Variants in RPH3AL observed in about 807,000 individuals in gnomAD.
The protein encoded by RPH3AL is rab effector Noc2.
RPH3AL carries 38 observed loss-of-function variants against 43.1 expected under a neutral mutation model. That is an observed-to-expected ratio of 0.88 (90% CI 0.68 to 1.15). RPH3AL has a LOEUF of 1.15. Ranked by LOEUF, RPH3AL falls within the 50% of genes most tolerant of loss-of-function variation. RPH3AL has a pLI of 0.00. For synonymous variants in RPH3AL, 189 were observed against 176.3 expected (o/e 1.07, Z -0.57); for missense variants, 462 against 423.2 (o/e 1.09, Z -0.81).
intron 5 of RPH3AL, among the ~76,000 whole-genome samples, chr17:292,711 AT>A (rs2043075483): frequency 6.6e-6 from 1 of 152,110 alleles, no homozygotes; most frequent in African/African-American, 2.4e-5. Flanking sequence ...GCAAGGCTGG[AT>A]CCCTGGGCCC....
At chr17:249,771 AAGCTCCATCACTGCGGGACATCTC>A (rs1379827106) in intron 6 of RPH3AL, among the ~76,000 whole-genome samples, 28 of 151,784 alleles carry the variant, frequency 1.8e-4, no homozygotes, top group Non-Finnish European at 3.4e-4. Flanking sequence ...AGCCTTTACT[AAGCTCCATCACTGCGGGACATCTC>A]AGAGCCTTTA....
At chr17:254,616 G>T (rs1401083663) in intron 6 of RPH3AL, among the ~76,000 whole-genome samples, 1 of 1,466 alleles carries the variant, frequency 6.8e-4, no homozygotes, top group African/African-American at 8.5e-3. Flanking sequence ...CTAGGAACGT[G>T]ACTACCCTAC....
At chr17:271,469 T>TTC (rs1244207023) in intron 6 of RPH3AL, among the ~76,000 whole-genome samples, 1 of 152,224 alleles carries the variant, frequency 6.6e-6, no homozygotes, top group Admixed American at 6.5e-5. Context: ...TGGTTTGTAG[T>TTC]TCTCCTTGAA....
rs1408983088 is a variant in RPH3AL, at chr17:316,274, C to G, written c.351+3146G>C. Among the ~76,000 whole-genome samples the G allele has an allele frequency of 4.9e-5, 6 of 121,922 alleles. 1 individual carries two copies. Among genetic ancestry groups the G allele is most frequent in the Non-Finnish European group, 1.1e-4 (6 of 54,508 alleles). 80.0% of individuals were successfully genotyped at this position (121,922 alleles called of 152,430 possible). ...ACCTGTAGTCCCTGTGACTCCATCT[C>G]CAGTGATGCGTAGTCTCTGTGCTCC... On this transcript the variant is annotated intron_variant, in intron 5 of 9. Transcript: ENST00000331302.
chr17:253,200 C>T (rs782550796), intron 6 of RPH3AL, among the ~76,000 whole-genome samples: 61 of 152,194 alleles, frequency 4.0e-4, no homozygotes, highest in Non-Finnish European at 8.5e-4. Context: ...AGCTACCCTG[C>T]CATCCCTAGG....
chr17:324,530 C>T (rs1215376543), intron 3 of RPH3AL, among the ~76,000 whole-genome samples: 1 of 152,194 alleles, frequency 6.6e-6, no homozygotes, highest in Non-Finnish European at 1.5e-5. Context: ...CCGCACGGCG[C>T]CCTCGTCTCT....
chr17:297,403 A>G (rs1449545243), intron 5 of RPH3AL, among the ~76,000 whole-genome samples: 4 of 152,242 alleles, frequency 2.6e-5, no homozygotes, highest in Admixed American at 6.5e-5. Flanking sequence ...CCAGCTGCTC[A>G]GAAGTTCCAG....
chr17:296,936 C>T (rs1026832540), intron 5 of RPH3AL, among the ~76,000 whole-genome samples: 4 of 152,130 alleles, frequency 2.6e-5, no homozygotes, highest in Admixed American at 6.5e-5. Context: ...TCCAAGGGGA[C>T]AAGGCTGGGT....
At chr17:305,363 C>T (rs963476173) in intron 5 of RPH3AL, among the ~76,000 whole-genome samples, 13 of 151,946 alleles carry the variant, frequency 8.6e-5, no homozygotes, top group South Asian at 2.1e-4. Context: ...AGGGACAATC[C>T]GGGAGGGTGG....
chr17:242,551 T>C (rs1362402151), intron 7 of RPH3AL, among the ~76,000 whole-genome samples: 1 of 116,468 alleles, frequency 8.6e-6, no homozygotes, highest in Non-Finnish European at 1.8e-5. Flanking sequence ...CCTTCCTCTA[T>C]TGATTACCTT....
chr17:346,576 G>A lies in RPH3AL; in HGVS notation c.-213+6136C>T, dbSNP rs1403826003. Among the ~76,000 whole-genome samples the A allele has an allele frequency of 3.7e-5, 5 of 134,258 alleles. 2 individuals are homozygous for A. The highest frequency in any genetic ancestry group is 8.5e-5 in the Non-Finnish European group (5 of 59,142). 88.1% of individuals were successfully genotyped at this position (134,258 alleles called of 152,430 possible). A position where few individuals can be genotyped will look rare whatever the true frequency, so the allele number is the denominator to read the frequency against. ...GAAAGACCCGCCCCCATGATTCAAT[G>A]ACCTCCACCGGGTCTCTCCCACAAC... On this transcript the variant is annotated intron_variant, in intron 1 of 9. Transcript: ENST00000331302.
intron 6 of RPH3AL, among the ~76,000 whole-genome samples, chr17:273,079 A>AGAGACCCCAGCGAGGGTGACTTCAGGGT (rs2042544878): frequency 8.4e-6 from 1 of 119,600 alleles, no homozygotes; most frequent in African/African-American, 3.6e-5. Context: ...GACGTCAGGG[A>AGAGACCCCAGCGAGGGTGACTTCAGGGT]GAGACCCCAG....
chr17:270,424 C>T (rs12937990), intron 6 of RPH3AL, among the ~76,000 whole-genome samples: 38,848 of 152,108 alleles, frequency 0.26, 5,310 homozygotes, highest in Middle Eastern at 0.34. Context: ...GGGCTGGCTG[C>T]GGAGTTTGGG....
At chr17:307,048 C>A (rs1444051813) in intron 5 of RPH3AL, among the ~76,000 whole-genome samples, 1 of 152,084 alleles carries the variant, frequency 6.6e-6, no homozygotes, top group Non-Finnish European at 1.5e-5. Flanking sequence ...GGGCCTCCCC[C>A]ACCTCCCCAG....
At chr17:243,597 CCCTTCCTCTATTGATTA>C (rs1555538212) in intron 7 of RPH3AL, among the ~76,000 whole-genome samples, 1 of 123,438 alleles carries the variant, frequency 8.1e-6, no homozygotes, top group African/African-American at 3.4e-5. Context: ...CTATTGATTA[CCCTTCCTCTATTGATTA>C]CCTTCCTCTA....
At position 213,423 on chromosome 17, in the gene RPH3AL, A is replaced by G. The variant is rs2040717687; in HGVS notation, c.*429T>C. ...TGCTCTGGCTCTGATGCTCACCTCT[A>G]AGGGGCCACACGCAGCTTCGGAGGC... On this transcript the variant is annotated 3_prime_UTR_variant, in exon 10 of 10. Coordinates refer to ENST00000331302, the MANE Select transcript of RPH3AL (RefSeq NM_006987.4). The G allele has an allele frequency of 1.5e-5, 4 of 258,906 alleles. No homozygotes were observed. In the South Asian group the frequency reaches 1.6e-4, roughly 10 times the overall value. 16.0% of individuals were successfully genotyped at this position (258,906 alleles called of 1,614,324 possible). A position where few individuals can be genotyped will look rare whatever the true frequency, so the allele number is the denominator to read the frequency against.
intron 6 of RPH3AL, among the ~76,000 whole-genome samples, chr17:272,210 A>T (rs1357024704): frequency 2.6e-5 from 4 of 152,176 alleles, no homozygotes; most frequent in African/African-American, 7.2e-5. Flanking sequence ...TTCCTCAGGG[A>T]TCTAGAACTA....
In RPH3AL at chr17:333,167, C is replaced by T. The variant is rs936290741; in HGVS notation, c.-37+592G>A. On this transcript the variant is annotated intron_variant, in intron 2 of 9. Transcript: ENST00000331302. This position sits in a 1 kb window ranked among gnomAD's most constrained non-coding sequence, Gnocchi z 4.5. ...ATTAGAGCTCACCACCCCGGGCGTT[C>T]GTCACTGCAGACATCACTGCAGACA... 8.4e-6 allele frequency: 10 copies of T among 1,185,720 alleles called. No homozygotes were observed. The highest frequency in any genetic ancestry group is 6.5e-5 in the African/African-American group (4 of 61,466). 73.4% of individuals were successfully genotyped at this position (1,185,720 alleles called of 1,614,324 possible). A position where few individuals can be genotyped will look rare whatever the true frequency, so the allele number is the denominator to read the frequency against.
intron 5 of RPH3AL, among the ~76,000 whole-genome samples, chr17:315,286 G>A (rs2043943466): frequency 1.2e-5 from 1 of 82,922 alleles, no homozygotes; most frequent in African/African-American, 4.7e-5. Context: ...TAGTCCCTGT[G>A]CCCCCACCTC....
Sources: gnomAD v4.1 joint callset for allele counts (sites outside exome capture counted in the v4.1 genomes callset) on GRCh38, gnomAD v4.1.1 for gene constraint, Gnocchi (gnomAD v3.1) non-coding constraint, MANE v1.5 for transcripts, NCBI Gene and HGNC (gene_info 2026-07-23, HGNC 2026-07-21) for gene names.